TAFA2: variants seen among roughly 807,000 people sequenced by gnomAD.
TAFA2 encodes TAFA chemokine like family member 2, also known as chemokine-like protein TAFA-2.
A neutral mutation model predicts 18.8 loss-of-function variants in TAFA2; 7 were observed. That is an observed-to-expected ratio of 0.37 (90% CI 0.21 to 0.70). TAFA2 has a LOEUF of 0.70. Ranked by LOEUF, TAFA2 falls within the 30% of genes least tolerant of loss-of-function variation. TAFA2 has a pLI of 0.53. For synonymous variants in TAFA2, 60 were observed against 54.2 expected, an observed-to-expected ratio of 1.11 and a Z score of -0.47; for missense variants, 122 against 158.1, an observed-to-expected ratio of 0.77 and a Z score of 1.23.
intron 1 of TAFA2, among the ~76,000 whole-genome samples, chr12:62,164,987 T>A (rs2062429214): frequency 1.3e-5 from 2 of 152,260 alleles, no homozygotes; most frequent in East Asian, 3.9e-4. Context: ...CAAAGCTTGT[T>A]AGTGGCAGAG....
At chr12:61,936,659 T>C (rs1036641036) in intron 1 of TAFA2, among the ~76,000 whole-genome samples, 3 of 152,054 alleles carry the variant, frequency 2.0e-5, no homozygotes, top group Admixed American at 1.3e-4. Flanking sequence ...TAGGCAGAGA[T>C]GGAAAATACC....
chr12:61,838,253 T>C (rs954638549), intron 2 of TAFA2, among the ~76,000 whole-genome samples: 5 of 151,958 alleles, frequency 3.3e-5, no homozygotes, highest in African/African-American at 1.2e-4. Context: ...CCAGGCAGCA[T>C]TTCAGTTCTT....
At chr12:62,212,918 T>C (rs1293500066) in intron 1 of TAFA2, among the ~76,000 whole-genome samples, 1 of 152,224 alleles carries the variant, frequency 6.6e-6, no homozygotes, top group Non-Finnish European at 1.5e-5. Context: ...AGATTAAAAC[T>C]TTTAATATTA....
At chr12:62,061,214 A>G (rs926341509) in intron 1 of TAFA2, among the ~76,000 whole-genome samples, 16 of 152,168 alleles carry the variant, frequency 1.1e-4, no homozygotes, top group African/African-American at 3.4e-4. Flanking sequence ...GCAACTTCCA[A>G]TCCTGCAATC....
intron 1 of TAFA2, among the ~76,000 whole-genome samples, chr12:61,904,219 TG>T (rs773798635): frequency 3.2e-4 from 48 of 152,284 alleles, no homozygotes; most frequent in Non-Finnish European, 5.4e-4. Context: ...GTCCTCAGAC[TG>T]TGCAGCCACC....
At chr12:62,220,791 AAAGGAAGG>A (rs1363984008) in intron 1 of TAFA2, among the ~76,000 whole-genome samples, 1 of 152,116 alleles carries the variant, frequency 6.6e-6, no homozygotes, top group African/African-American at 2.4e-5. Flanking sequence ...AGAAAAGAAC[AAAGGAAGG>A]AAGAGCGAAA....
intron 1 of TAFA2, among the ~76,000 whole-genome samples, chr12:62,049,180 T>A (rs1488894879): frequency 1.3e-5 from 2 of 152,168 alleles, no homozygotes. Flanking sequence ...GAGCCATACA[T>A]CCTGGCAAGC....
intron 2 of TAFA2, chr12:61,776,380 C>T (rs761982381): frequency 7.2e-5 from 12 of 166,686 alleles, no homozygotes; most frequent in Non-Finnish European, 1.2e-4. Flanking sequence ...GCTGCTGAAA[C>T]CCCTTCCCTA....
chr12:62,036,597 A>G (rs1229191641), intron 1 of TAFA2, among the ~76,000 whole-genome samples: 1 of 152,250 alleles, frequency 6.6e-6, no homozygotes, highest in Non-Finnish European at 1.5e-5. Flanking sequence ...ATTGCTAAAT[A>G]AAACCTTTGC....
chr12:61,730,422 C>A (rs1870386612), intron 4 of TAFA2, among the ~76,000 whole-genome samples: 1 of 152,072 alleles, frequency 6.6e-6, no homozygotes, highest in Non-Finnish European at 1.5e-5. Flanking sequence ...GCCCTCAGGT[C>A]TCCTGAATAA....
chr12:62,126,305 G>T (rs758884744), intron 1 of TAFA2, among the ~76,000 whole-genome samples: 41 of 152,074 alleles, frequency 2.7e-4, no homozygotes, highest in Non-Finnish European at 5.3e-4. Flanking sequence ...TGTGCCAAGT[G>T]CATCAGCTGT....
chr12:61,954,979 G>T (rs529299585), intron 1 of TAFA2, among the ~76,000 whole-genome samples: 1 of 152,054 alleles, frequency 6.6e-6, no homozygotes, highest in South Asian at 2.1e-4. Flanking sequence ...AGCTTACCAG[G>T]TACTAAGATA....
chr12:61,916,495 T>C lies in TAFA2; in HGVS notation c.-1-49069A>G, dbSNP rs1876827090. On this transcript the variant is annotated intron_variant, in intron 1 of 4. Coordinates refer to ENST00000416284, the MANE Select transcript of TAFA2 (RefSeq NM_178539.5). ...TGTTCTATTGTTAATGTTTTTACTC[T>C]CCATCGTTAATCTGACTGCCCCAAA... 2.6e-5 allele frequency among the ~76,000 whole-genome samples: 4 copies of C among 152,238 alleles called. No homozygotes were observed. The South Asian group carries it at 6.2e-4, about 24-fold the overall frequency.
At chr12:62,016,309 T>C (rs1361410024) in intron 1 of TAFA2, among the ~76,000 whole-genome samples, 1 of 152,166 alleles carries the variant, frequency 6.6e-6, no homozygotes. Context: ...CGACAGCTCA[T>C]TTTTTACTTA....
At chr12:61,864,680 C>T (rs1257989320) in intron 2 of TAFA2, among the ~76,000 whole-genome samples, 1 of 146,484 alleles carries the variant, frequency 6.8e-6, no homozygotes, top group African/African-American at 2.5e-5. Context: ...GACTGAGGCA[C>T]GAGAATGGCG....
chr12:61,738,689 T>A (rs757602972), intron 4 of TAFA2, among the ~76,000 whole-genome samples: 1 of 152,082 alleles, frequency 6.6e-6, no homozygotes, highest in Non-Finnish European at 1.5e-5. Context: ...TGGCCCCATG[T>A]CTGAGGCCAG....
At chr12:61,904,323 C>T (rs1270918564) in intron 1 of TAFA2, among the ~76,000 whole-genome samples, 1 of 152,036 alleles carries the variant, frequency 6.6e-6, no homozygotes, top group Non-Finnish European at 1.5e-5. Flanking sequence ...ACAAACTCCC[C>T]AAAAACTCAT....
At chr12:62,248,185 A>T (rs1426495021) in intron 1 of TAFA2, among the ~76,000 whole-genome samples, 1 of 152,224 alleles carries the variant, frequency 6.6e-6, no homozygotes, top group Non-Finnish European at 1.5e-5. Context: ...GCTTTGCCCA[A>T]CTTTATCAGG....
At chr12:61,957,880 A>G (rs778355166) in intron 1 of TAFA2, among the ~76,000 whole-genome samples, 1 of 152,076 alleles carries the variant, frequency 6.6e-6, no homozygotes, top group Non-Finnish European at 1.5e-5. Context: ...TATAGTGATC[A>G]TTGGGACTAA....
Sources: allele counts gnomAD v4.1 joint callset (sites outside exome capture counted in the v4.1 genomes callset), GRCh38; gene constraint gnomAD v4.1.1; transcripts MANE v1.5; gene names NCBI Gene and HGNC (gene_info 2026-07-23, HGNC 2026-07-21).